The following PTPRT variants were observed in gnomAD, a reference collection of about 807,000 sequenced individuals.
The protein encoded by PTPRT is receptor-type tyrosine-protein phosphatase T.
PTPRT carries 56 observed loss-of-function variants against 176.8 expected under a neutral mutation model. That is an observed-to-expected ratio of 0.32 (90% confidence interval 0.26 to 0.40). PTPRT has a LOEUF of 0.40. PTPRT is among the 10% of genes least tolerant of loss of function. The pLI is 1.00. For missense variants in PTPRT, 1,540 were observed against 1,908.2 expected (o/e 0.81, Z 3.60); for synonymous variants, 783 against 739.0 (o/e 1.06, Z -0.96).
intron 9 of PTPRT, among the ~76,000 whole-genome samples, chr20:42,357,432 T>A (rs1386058601): frequency 6.6e-6 from 1 of 152,244 alleles, no homozygotes; most frequent in Non-Finnish European, 1.5e-5. Flanking sequence ...TCTAAATGAA[T>A]AATTAAATTA....
intron 19 of PTPRT, among the ~76,000 whole-genome samples, chr20:42,120,264 C>A (rs1042668058): frequency 6.6e-6 from 1 of 152,098 alleles, no homozygotes; most frequent in African/African-American, 2.4e-5. Flanking sequence ...TCCTTATGCA[C>A]CCAAAAACAG....
chr20:42,523,164 C>T (rs1340657773), intron 7 of PTPRT, among the ~76,000 whole-genome samples: 6 of 152,144 alleles, frequency 3.9e-5, no homozygotes, highest in Non-Finnish European at 8.8e-5. Context: ...CTACAATTCT[C>T]AAATTTGATG....
intron 9 of PTPRT, among the ~76,000 whole-genome samples, chr20:42,416,360 C>T (rs1447990874): frequency 2.0e-5 from 3 of 152,172 alleles, no homozygotes; most frequent in African/African-American, 7.2e-5. Context: ...TTTTAGACCT[C>T]TGACCTCCAG....
At chr20:42,272,932 C>A (rs563463190) in intron 13 of PTPRT, among the ~76,000 whole-genome samples, 3 of 152,308 alleles carry the variant, frequency 2.0e-5, no homozygotes, top group Admixed American at 6.5e-5. Context: ...TACTTTGCAA[C>A]CTTGTTCGAC....
chr20:42,916,135 C>A (rs1978736361), intron 1 of PTPRT, among the ~76,000 whole-genome samples: 1 of 123,310 alleles, frequency 8.1e-6, no homozygotes, highest in African/African-American at 3.1e-5. Flanking sequence ...CCACAACAGT[C>A]CCCGGTGTGT....
At chr20:42,248,137 G>T (rs776597455) in intron 14 of PTPRT, among the ~76,000 whole-genome samples, 1 of 152,132 alleles carries the variant, frequency 6.6e-6, no homozygotes, top group Non-Finnish European at 1.5e-5. Context: ...AGCTGGGAAG[G>T]TTCTGTGGGA....
chr20:42,184,541 CTCTTCTTCTTCTTCTTCTTATTCT>C (rs1386596222), intron 16 of PTPRT, among the ~76,000 whole-genome samples: 1 of 91,546 alleles, frequency 1.1e-5, no homozygotes, highest in African/African-American at 4.6e-5. Flanking sequence ...CTTCCTCTTC[CTCTTCTTCTTCTTCTTCTTATTCT>C]TCTTCTTCTT....
chr20:42,668,946 A>ATG (rs1256035275), intron 7 of PTPRT, among the ~76,000 whole-genome samples: 8 of 138,750 alleles, frequency 5.8e-5, no homozygotes, highest in African/African-American at 2.2e-4. Context: ...TCCTGACCTC[A>ATG]TGATCCGCCC....
downstream of PTPRT, among the ~76,000 whole-genome samples, chr20:42,071,487 A>G (rs192368990): frequency 6.6e-6 from 1 of 152,234 alleles, no homozygotes; most frequent in East Asian, 1.9e-4. Context: ...CTGAACATAT[A>G]GAATCCTAGC....
chr20:42,462,523 A>C (rs2071037744), intron 8 of PTPRT, among the ~76,000 whole-genome samples: 1 of 152,164 alleles, frequency 6.6e-6, no homozygotes, highest in African/African-American at 2.4e-5. Flanking sequence ...CTGGGTAGAG[A>C]AGGGAATGAG....
chr20:42,423,635 T>C (rs1338106771), intron 9 of PTPRT, among the ~76,000 whole-genome samples: 1 of 152,170 alleles, frequency 6.6e-6, no homozygotes, highest in African/African-American at 2.4e-5. Flanking sequence ...ACAATCATAA[T>C]TCTGGAAACT....
chr20:42,145,155 T>C (rs1257274803), intron 17 of PTPRT, among the ~76,000 whole-genome samples: 1 of 152,128 alleles, frequency 6.6e-6, no homozygotes, highest in African/African-American at 2.4e-5. Flanking sequence ...CAGTCACATA[T>C]AAAAATCAAA....
chr20:42,123,794 C>T (rs1045067871), intron 19 of PTPRT, among the ~76,000 whole-genome samples: 6 of 152,196 alleles, frequency 3.9e-5, no homozygotes, highest in Non-Finnish European at 7.3e-5. Flanking sequence ...TTGTCAATCA[C>T]GTCTGTGGAG....
chr20:42,996,979 G>A lies in PTPRT; in HGVS notation c.89-111047C>T, dbSNP rs533810899. ...AATGCTTGCTATAATAATTAGTGGT[G>A]AAGAATGTGTACTCCAAAGCCAGAC... is the stretch of plus-strand genomic sequence containing the variant. On this transcript the variant is annotated intron_variant, in intron 1 of 30. Transcript: ENST00000373187. Among the ~76,000 whole-genome samples, 104 of 152,246 alleles carry A rather than the reference G, an allele frequency of 6.8e-4. 1 individual carries two copies. The South Asian group carries it at 0.02, about 29-fold the overall frequency.
At chr20:42,717,139 A>C (rs1484371903) in intron 6 of PTPRT, among the ~76,000 whole-genome samples, 3 of 151,706 alleles carry the variant, frequency 2.0e-5, no homozygotes, top group Admixed American at 2.0e-4. Flanking sequence ...ATACATATGT[A>C]ACTAACCTGC....
chr20:42,060,131 A>C, the PTPRT span, among the ~76,000 whole-genome samples: 1 of 152,218 alleles, frequency 6.6e-6, no homozygotes, highest in South Asian at 2.1e-4. Context: ...GAGTACATTC[A>C]TCTAAAGGGC....
chr20:42,138,503 T>C (rs1228815221), intron 18 of PTPRT, among the ~76,000 whole-genome samples: 1 of 152,228 alleles, frequency 6.6e-6, no homozygotes, highest in Non-Finnish European at 1.5e-5. Flanking sequence ...ATTACACCTT[T>C]ATAAAGAACT....
At chr20:42,399,879 A>C (rs973889956) in intron 9 of PTPRT, among the ~76,000 whole-genome samples, 2 of 152,210 alleles carry the variant, frequency 1.3e-5, no homozygotes, top group African/African-American at 4.8e-5. Context: ...TGTCTTTCAA[A>C]TATCTGACTT....
intron 7 of PTPRT, among the ~76,000 whole-genome samples, chr20:42,625,870 A>C (rs769173097): frequency 5.1e-4 from 78 of 152,016 alleles, no homozygotes; most frequent in Non-Finnish European, 9.6e-4. Flanking sequence ...GCTTGTTCAC[A>C]AATATGCTTT....
Sources: allele counts gnomAD v4.1 joint callset (sites outside exome capture counted in the v4.1 genomes callset), GRCh38; gene constraint gnomAD v4.1.1; transcripts MANE v1.5; gene names NCBI Gene and HGNC (gene_info 2026-07-23, HGNC 2026-07-21).